Variants in DLC1 observed in about 807,000 individuals in gnomAD.
DLC1 encodes the protein DLC1 Rho GTPase activating protein, also known as rho GTPase-activating protein 7.
A neutral mutation model predicts 140.3 loss-of-function variants in DLC1; 54 were observed. The ratio of observed to expected loss-of-function variants is 0.38; its 90% confidence interval spans 0.31 to 0.48. The LOEUF (loss-of-function observed/expected upper bound fraction) is 0.48, where lower values mean the gene tolerates loss of function less well. DLC1 is among the 20% of genes least tolerant of loss of function. The pLI is 0.96. For synonymous variants in DLC1, 986 were observed against 728.1 expected, an observed-to-expected ratio of 1.35 and a Z score of -5.70; for missense variants, 2,536 against 1,907.0, an observed-to-expected ratio of 1.33 and a Z score of -6.14.
intron 1 of DLC1, among the ~76,000 whole-genome samples, chr8:13,531,607 T>G (rs1803100333): frequency 6.6e-6 from 1 of 151,970 alleles, no homozygotes. Flanking sequence ...CAAAAAACCC[T>G]TAATACTAGC....
At chr8:13,177,572 A>G (rs1057168124) in intron 5 of DLC1, among the ~76,000 whole-genome samples, 1 of 152,246 alleles carries the variant, frequency 6.6e-6, no homozygotes, top group East Asian at 1.9e-4. Context: ...GTTTATTGAT[A>G]TATGCATTAC....
chr8:13,413,415 T>A (rs190105433), intron 2 of DLC1, among the ~76,000 whole-genome samples: 1 of 151,794 alleles, frequency 6.6e-6, no homozygotes, highest in East Asian at 1.9e-4. Context: ...TATTTCTCTC[T>A]CTCTCTCCTA....
At chr8:13,546,593 C>A (rs889291007) in intron 1 of DLC1, among the ~76,000 whole-genome samples, 1 of 152,102 alleles carries the variant, frequency 6.6e-6, no homozygotes, top group Non-Finnish European at 1.5e-5. Context: ...CATTCTGCTT[C>A]GCATTGAAGT....
At chr8:13,293,468 C>G (rs751742937) in intron 5 of DLC1, among the ~76,000 whole-genome samples, 1 of 152,126 alleles carries the variant, frequency 6.6e-6, no homozygotes, top group Non-Finnish European at 1.5e-5. Flanking sequence ...GTGAAAAGTC[C>G]TGGACATGGA....
intron 5 of DLC1, among the ~76,000 whole-genome samples, chr8:13,175,859 C>T (rs577077255): frequency 1.1e-4 from 16 of 152,316 alleles, no homozygotes; most frequent in African/African-American, 3.8e-4. Context: ...CTCCTGCTTT[C>T]CTTCCTGGTC....
At chr8:13,187,990 C>G (rs760782833) in intron 5 of DLC1, among the ~76,000 whole-genome samples, 1 of 151,602 alleles carries the variant, frequency 6.6e-6, no homozygotes, top group African/African-American at 2.4e-5. Context: ...TGGAAAAGTA[C>G]TTGTAAAAAT....
intron 5 of DLC1, among the ~76,000 whole-genome samples, chr8:13,157,348 T>C (rs1824325366): frequency 6.6e-6 from 1 of 152,114 alleles, no homozygotes; most frequent in Admixed American, 6.5e-5. Flanking sequence ...AATTGAGCCT[T>C]GAAGGAGTTT....
chr8:13,285,086 G>T (rs1160652448), intron 5 of DLC1, among the ~76,000 whole-genome samples: 2 of 152,172 alleles, frequency 1.3e-5, no homozygotes, highest in Non-Finnish European at 2.9e-5. Context: ...AATTTTGAAA[G>T]TGAAGAGTGA....
At chr8:13,188,436 A>G (rs1826515035) in intron 5 of DLC1, among the ~76,000 whole-genome samples, 1 of 149,494 alleles carries the variant, frequency 6.7e-6, no homozygotes, top group African/African-American at 2.4e-5. Context: ...AAAAAAAAAA[A>G]AAAAAGAAAA....
chr8:13,229,964 AAAT>A (rs1484375234), intron 5 of DLC1, among the ~76,000 whole-genome samples: 2 of 152,232 alleles, frequency 1.3e-5, no homozygotes, highest in African/African-American at 2.4e-5. Context: ...ACTACTAACT[AAAT>A]AACACGTTGG....
chr8:13,521,839 G>A (rs1346905267), intron 1 of DLC1, among the ~76,000 whole-genome samples: 1 of 152,074 alleles, frequency 6.6e-6, no homozygotes, highest in African/African-American at 2.4e-5. Context: ...CACATACCAA[G>A]TGAAAATGCT....
At chr8:13,497,174 A>G (rs1219956429) in intron 2 of DLC1, among the ~76,000 whole-genome samples, 1 of 151,996 alleles carries the variant, frequency 6.6e-6, no homozygotes, top group Non-Finnish European at 1.5e-5. Context: ...AGTGATGAAC[A>G]CCTCTGTACA....
intron 3 of DLC1, among the ~76,000 whole-genome samples, chr8:13,396,407 T>C (rs1837047396): frequency 6.6e-6 from 1 of 152,178 alleles, no homozygotes; most frequent in Non-Finnish European, 1.5e-5. Context: ...AACAGAGTAA[T>C]CTTGTATCTT....
At chr8:13,245,505 T>C (rs528476318) in intron 5 of DLC1, among the ~76,000 whole-genome samples, 1 of 152,210 alleles carries the variant, frequency 6.6e-6, no homozygotes, top group African/African-American at 2.4e-5. Flanking sequence ...TAACCCTTTA[T>C]TGGCTCTTCC....
At chr8:13,590,362 T>C (rs1805478403) in intron 1 of DLC1, among the ~76,000 whole-genome samples, 1 of 152,050 alleles carries the variant, frequency 6.6e-6, no homozygotes, top group Non-Finnish European at 1.5e-5. Flanking sequence ...GTGGAAACTT[T>C]GGAAGGAACA....
At chr8:13,522,657 T>G (rs1465574514) in intron 1 of DLC1, among the ~76,000 whole-genome samples, 1 of 151,430 alleles carries the variant, frequency 6.6e-6, no homozygotes, top group African/African-American at 2.4e-5. Context: ...TAAATAAATA[T>G]AAAAATAAAT....
At chr8:13,520,309 T>C (rs1482018991) in intron 1 of DLC1, among the ~76,000 whole-genome samples, 1 of 152,204 alleles carries the variant, frequency 6.6e-6, no homozygotes, top group Non-Finnish European at 1.5e-5. Flanking sequence ...GAGGAAGAGT[T>C]CATGCCCTTT....
In DLC1 at chr8:13,100,840, A is replaced by C. The variant is rs1411338573; in HGVS notation, c.1567-70T>G. Reference sequence around the variant, plus strand: ...CAGCAGGGAGCAGGGCATGAGCAGGAGGCTGCTCATAATATGCCAGTAGTA... The same window carrying C: ...CAGCAGGGAGCAGGGCATGAGCAGGCGGCTGCTCATAATATGCCAGTAGTA... On this transcript the variant is annotated intron_variant, in intron 8 of 17. Coordinates refer to ENST00000276297, the MANE Select transcript of DLC1 (RefSeq NM_182643.3). 8.9e-6 allele frequency: 13 copies of C among 1,465,904 alleles called. No individual in the cohort carries two copies. In the African/African-American group the frequency reaches 1.6e-4, roughly 18 times the overall value. The allele number at this position is 1,465,904 out of a possible 1,614,324, so 90.8% of individuals were successfully genotyped here.
At chr8:13,123,913 A>G (rs1284556228) in intron 5 of DLC1, among the ~76,000 whole-genome samples, 1 of 152,152 alleles carries the variant, frequency 6.6e-6, no homozygotes, top group Non-Finnish European at 1.5e-5. Flanking sequence ...TACATTCTAC[A>G]TTGTAACATG....
Sources: gnomAD v4.1 joint callset for allele counts (sites outside exome capture counted in the v4.1 genomes callset) on GRCh38, gnomAD v4.1.1 for gene constraint, MANE v1.5 for transcripts, NCBI Gene and HGNC (gene_info 2026-07-23, HGNC 2026-07-21) for gene names.